PCSK5: variants seen among roughly 807,000 people sequenced by gnomAD.
PCSK5 encodes prohormone convertase 5.
In PCSK5, 129 loss-of-function variants were observed where a neutral mutation model predicts 233.2. The ratio of observed to expected loss-of-function variants is 0.55; its 90% CI spans 0.48 to 0.64. The LOEUF is 0.64. Ranked by LOEUF, PCSK5 falls within the 30% of genes least tolerant of loss-of-function variation. PCSK5 has a pLI of 0.00. For missense variants in PCSK5, 2,076 were observed against 2,430.1 expected (o/e 0.85, Z 3.06); for synonymous variants, 825 against 879.2 (o/e 0.94, Z 1.09).
chr9:76,176,052 A>G (rs766360918), intron 14 of PCSK5, among the ~76,000 whole-genome samples: 2 of 149,856 alleles, frequency 1.3e-5, no homozygotes, highest in Non-Finnish European at 3.0e-5. Context: ...GCTGGGGTTT[A>G]TGGTCTCAGA....
intron 17 of PCSK5, among the ~76,000 whole-genome samples, chr9:76,185,056 ATTG>A (rs1444634647): frequency 6.6e-6 from 1 of 152,184 alleles, no homozygotes; most frequent in African/African-American, 2.4e-5. Flanking sequence ...TTTAACCTGC[ATTG>A]TGCCAGTCAA....
chr9:76,059,395 G>A (rs1045713722), intron 5 of PCSK5, among the ~76,000 whole-genome samples: 1 of 152,156 alleles, frequency 6.6e-6, no homozygotes. Flanking sequence ...GGCTTTTGTT[G>A]CCATTGCTTT....
At chr9:76,002,300 G>A (rs1827296583) in intron 3 of PCSK5, among the ~76,000 whole-genome samples, 1 of 152,158 alleles carries the variant, frequency 6.6e-6, no homozygotes, top group Non-Finnish European at 1.5e-5. Flanking sequence ...ATCTTGTTAG[G>A]ATCTTTAGTT....
intron 11 of PCSK5, 107 bp downstream of exon 11, chr9:76,157,269 A>T (rs1047451376): frequency 1.4e-6 from 1 of 731,114 alleles, no homozygotes; most frequent in Non-Finnish European, 2.4e-6. Flanking sequence ...AAGCTTCTGT[A>T]GTTTCTCTCT....
chr9:75,957,659 A>C (rs1472251818), intron 2 of PCSK5, among the ~76,000 whole-genome samples: 1 of 152,222 alleles, frequency 6.6e-6, no homozygotes, highest in Non-Finnish European at 1.5e-5. Context: ...CTGGCTTGTT[A>C]GTATCTGCCC....
chr9:75,993,753 C>T (rs1038118611), intron 3 of PCSK5, among the ~76,000 whole-genome samples: 1 of 152,230 alleles, frequency 6.6e-6, no homozygotes, highest in African/African-American at 2.4e-5. Context: ...AAACCAGGAT[C>T]AAGCTTCCAA....
intron 35 of PCSK5, among the ~76,000 whole-genome samples, chr9:76,346,375 G>A (rs1184487065): frequency 6.6e-6 from 1 of 152,100 alleles, no homozygotes; most frequent in African/African-American, 2.4e-5. Flanking sequence ...TGGGCATTCC[G>A]AGTCTCAAAA....
intron 7 of PCSK5, among the ~76,000 whole-genome samples, chr9:76,083,158 G>A (rs1830916166): frequency 7.7e-6 from 1 of 130,692 alleles, no homozygotes; most frequent in African/African-American, 2.9e-5. Flanking sequence ...GCAGTGAGCT[G>A]AAATTGGGCC....
chr9:75,957,265 A>T (rs192592938), intron 2 of PCSK5, among the ~76,000 whole-genome samples: 1 of 152,290 alleles, frequency 6.6e-6, no homozygotes, highest in Non-Finnish European at 1.5e-5. Context: ...CAAGTGATCC[A>T]TAAGATGGCT....
chr9:76,111,896 G>A (rs2131692862), intron 9 of PCSK5, among the ~76,000 whole-genome samples: 1 of 152,220 alleles, frequency 6.6e-6, no homozygotes, highest in East Asian at 1.9e-4. Flanking sequence ...AAAAATAAAA[G>A]AGCTTGCTGT....
At chr9:76,292,374 GC>G in intron 25 of PCSK5, 99 bp downstream of exon 25, 2 of 784,992 alleles carry the variant, frequency 2.5e-6, no homozygotes, top group East Asian at 2.4e-5. Flanking sequence ...TGGCCCTGCA[GC>G]CCGAAGCAAC....
intron 1 of PCSK5, among the ~76,000 whole-genome samples, chr9:75,892,146 G>A (rs1825637859): frequency 6.6e-6 from 1 of 152,192 alleles, no homozygotes; most frequent in Non-Finnish European, 1.5e-5. Flanking sequence ...AGGTTGCGCC[G>A]TGGGGCGAGA....
chr9:76,151,426 C>T (rs1043170363), intron 10 of PCSK5, among the ~76,000 whole-genome samples: 15 of 152,182 alleles, frequency 9.9e-5, no homozygotes, highest in African/African-American at 3.6e-4. Context: ...TCTTTGAGTT[C>T]TCCTGCAGTC....
At chr9:76,119,823 C>T (rs12003204) in intron 9 of PCSK5, among the ~76,000 whole-genome samples, 2,307 of 151,924 alleles carry the variant, frequency 0.015, 49 homozygotes, top group African/African-American at 0.052. Flanking sequence ...TATTTTTAAA[C>T]GTACAATTAA....
intron 3 of PCSK5, among the ~76,000 whole-genome samples, chr9:76,003,028 TCTTA>T (rs1403035979): frequency 2.0e-5 from 3 of 152,234 alleles, no homozygotes; most frequent in Non-Finnish European, 4.4e-5. Flanking sequence ...GTTCTTGTTT[TCTTA>T]CTATGGAGCC....
rs1206801421 is a variant in PCSK5 at position 76,189,684 on chromosome 9, G to C, written c.2564G>C (p.Ser855Thr). The C allele has an allele frequency of 6.2e-6, 10 of 1,613,298 alleles. No individual in the cohort carries two copies. In the South Asian group the frequency reaches 9.9e-5, roughly 16 times the overall value. ...CNGPGFKNCT[S>T]CPSGYLLDLG... ...GGCCCAGGATTCAAGAACTGTACAA[G>C]CTGCCCTAGTGGGTATCTCTTAGAC... is the stretch of plus-strand genomic sequence containing the variant. The change falls in exon 20 of 38, where the codon AGC becomes ACC. Residue 855 changes from serine (S) to threonine (T), a missense_variant. Coordinates refer to ENST00000674117, the MANE Select transcript of PCSK5 (RefSeq NM_001372043.1).
At chr9:76,351,460 G>GA (rs1174131466) in intron 36 of PCSK5, among the ~76,000 whole-genome samples, 1 of 35,490 alleles carries the variant, frequency 2.8e-5, no homozygotes, top group East Asian at 1.5e-3. Context: ...AAGAAAGAAA[G>GA]AAAGAAAGAA....
At chr9:76,295,971 C>A (rs1345179209) in intron 26 of PCSK5, among the ~76,000 whole-genome samples, 2 of 152,212 alleles carry the variant, frequency 1.3e-5, no homozygotes, top group African/African-American at 4.8e-5. Context: ...TGTTTCTCTA[C>A]ACAGAGATTT....
intron 24 of PCSK5, among the ~76,000 whole-genome samples, chr9:76,274,262 C>G (rs531181060): frequency 6.6e-6 from 1 of 152,172 alleles, no homozygotes; most frequent in African/African-American, 2.4e-5. Flanking sequence ...TTATGTCTAT[C>G]ACTTATAGAA....
Sources: gnomAD v4.1 joint callset for allele counts (sites outside exome capture counted in the v4.1 genomes callset) on GRCh38, gnomAD v4.1.1 for gene constraint, MANE v1.5 for transcripts, NCBI Gene and HGNC (gene_info 2026-07-23, HGNC 2026-07-21) for gene names.